Variants in SEMA3D observed in about 807,000 individuals in gnomAD.
The protein encoded by SEMA3D is semaphorin-3D.
A neutral mutation model predicts 100.1 loss-of-function variants in SEMA3D; 84 were observed. The observed-to-expected ratio is 0.84, with a 90% CI of 0.70 to 1.01. SEMA3D has a LOEUF of 1.01. Among genes scored for constraint, SEMA3D ranks in the 50% least tolerant of loss-of-function variants. The pLI, the probability that SEMA3D is intolerant of heterozygous loss-of-function variation, is 0.00. For missense variants in SEMA3D, 875 were observed against 934.1 expected (o/e 0.94, Z 0.82); for synonymous variants, 312 against 320.7 (o/e 0.97, Z 0.29).
chr7:85,007,226 A>AT (rs1426860356), intron 17 of SEMA3D, among the ~76,000 whole-genome samples: 1 of 151,760 alleles, frequency 6.6e-6, no homozygotes, highest in African/African-American at 2.4e-5. Context: ...ATATATTGAG[A>AT]TTTTTTTCTT....
At chr7:85,015,001 T>C in intron 16 of SEMA3D, 58 bp downstream of exon 16, 1 of 1,289,714 alleles carries the variant, frequency 7.8e-7, no homozygotes, top group Admixed American at 1.8e-5. Context: ...AAAGCATTAA[T>C]GTGAGATATT....
At chr7:85,147,619 TA>T (rs1790254399) in intron 2 of SEMA3D, among the ~76,000 whole-genome samples, 2 of 152,210 alleles carry the variant, frequency 1.3e-5, no homozygotes, top group African/African-American at 4.8e-5. Context: ...ATTTTTCTGA[TA>T]TTTAGATAAC....
chr7:85,041,996 T>G, intron 10 of SEMA3D, 175 bp downstream of exon 10: 1 of 595,610 alleles, frequency 1.7e-6, no homozygotes, highest in Non-Finnish European at 3.0e-6. Context: ...TTATGACGTG[T>G]GCCCAGACCT....
At chr7:85,208,058 T>G in the SEMA3D span, among the ~76,000 whole-genome samples, 1 of 152,022 alleles carries the variant, frequency 6.6e-6, no homozygotes, top group East Asian at 1.9e-4. Context: ...TTACTCACAT[T>G]CAATTTTAAA....
chr7:85,068,660 T>C (rs1052842895), intron 6 of SEMA3D, among the ~76,000 whole-genome samples: 2 of 152,174 alleles, frequency 1.3e-5, no homozygotes, highest in Non-Finnish European at 2.9e-5. Context: ...TTTTAAGAAA[T>C]AGATTTGCTA....
At chr7:85,095,873 C>T (rs1479683361) in intron 4 of SEMA3D, among the ~76,000 whole-genome samples, 1 of 151,906 alleles carries the variant, frequency 6.6e-6, no homozygotes, top group East Asian at 1.9e-4. Context: ...AATATTAGCA[C>T]ATTTCATGCA....
intron 4 of SEMA3D, among the ~76,000 whole-genome samples, chr7:85,086,329 A>C (rs890590973): frequency 3.9e-5 from 6 of 152,086 alleles, no homozygotes; most frequent in Non-Finnish European, 7.4e-5. Context: ...CTAGTCATTA[A>C]AGAGATTTTT....
chr7:85,112,354 T>C (rs1045596183), intron 3 of SEMA3D, among the ~76,000 whole-genome samples: 2 of 152,124 alleles, frequency 1.3e-5, no homozygotes, highest in African/African-American at 2.4e-5. Flanking sequence ...AAATAAAAAT[T>C]CAAAAAGGAA....
intron 1 of SEMA3D, chr7:85,167,202 A>G: frequency 1.2e-6 from 1 of 849,704 alleles, no homozygotes; most frequent in Non-Finnish European, 1.4e-6. Flanking sequence ...TGAAATGTCA[A>G]GAGTTGAAAT....
intron 3 of SEMA3D, among the ~76,000 whole-genome samples, chr7:85,102,286 T>A (rs933829977): frequency 6.6e-6 from 1 of 151,954 alleles, no homozygotes; most frequent in Admixed American, 6.6e-5. Context: ...CAGGAACACA[T>A]GTTACTCCAG....
chr7:85,089,526 T>C (rs1277410782), intron 4 of SEMA3D, among the ~76,000 whole-genome samples: 4 of 152,188 alleles, frequency 2.6e-5, no homozygotes, highest in Admixed American at 2.6e-4. Context: ...ACCTGTTTTA[T>C]TTTTCACTAT....
chr7:85,237,910 C>G, the SEMA3D span, among the ~76,000 whole-genome samples: 2 of 152,186 alleles, frequency 1.3e-5, no homozygotes, highest in African/African-American at 2.4e-5. Context: ...TTCTGTTGTT[C>G]CACATCCTCA....
chr7:85,158,150 A>T (rs908813357), intron 1 of SEMA3D, among the ~76,000 whole-genome samples: 5 of 152,204 alleles, frequency 3.3e-5, no homozygotes, highest in Non-Finnish European at 7.3e-5. Flanking sequence ...AAATCTGGGC[A>T]CCTTGAAAAA....
At chr7:85,145,760 C>A in intron 2 of SEMA3D, among the ~76,000 whole-genome samples, 1 of 152,102 alleles carries the variant, frequency 6.6e-6, no homozygotes. Context: ...CCTCAAGATT[C>A]GTGGGATATT....
chr7:85,042,218 C>A lies in SEMA3D; in HGVS notation c.929G>T (p.Cys310Phe), dbSNP rs2115992985. 1 of 1,613,456 alleles carries A rather than the reference C, an allele frequency of 6.2e-7. No homozygotes were observed. The highest frequency in any genetic ancestry group is 2.2e-5 in the East Asian group (1 of 44,850). ...WTTFLKARLI[C>F]SIPGSDGADT... is the part of the protein sequence containing the mutation. The stretch of plus-strand genomic sequence containing the variant: ...TGCCCCATCACTTCCAGGAATTGAG[C>A]AAATCAGTCTGGCCTTAAGAAAAGT... Residue 310 changes from cysteine to phenylalanine, a missense_variant, in exon 10 of 19, where the codon TGC becomes TTC. Coordinates refer to ENST00000284136, the MANE Select transcript of SEMA3D (RefSeq NM_001384900.1).
At chr7:85,024,917 G>A (rs1790351737) in intron 12 of SEMA3D, among the ~76,000 whole-genome samples, 1 of 152,002 alleles carries the variant, frequency 6.6e-6, no homozygotes, top group Non-Finnish European at 1.5e-5. Context: ...ATGTATGTAG[G>A]TAAGAGTAAA....
intron 1 of SEMA3D, among the ~76,000 whole-genome samples, chr7:85,169,899 T>C (rs1411779208): frequency 1.3e-5 from 2 of 151,686 alleles, no homozygotes; most frequent in Non-Finnish European, 3.0e-5. Context: ...AGTGTCCATA[T>C]AAAATAGTTT....
intron 3 of SEMA3D, among the ~76,000 whole-genome samples, chr7:85,106,240 T>A (rs1179337610): frequency 6.6e-6 from 1 of 152,074 alleles, no homozygotes; most frequent in Non-Finnish European, 1.5e-5. Context: ...TCCTTCAAGT[T>A]ATTCAGAATT....
chr7:85,165,087 C>A (rs1790863705), intron 1 of SEMA3D, among the ~76,000 whole-genome samples: 1 of 146,748 alleles, frequency 6.8e-6, no homozygotes, highest in African/African-American at 2.5e-5. Flanking sequence ...TGAGTGAGAA[C>A]ATGCAGTGTT....
Sources: gnomAD v4.1 joint callset for allele counts (sites outside exome capture counted in the v4.1 genomes callset) on GRCh38, gnomAD v4.1.1 for gene constraint, MANE v1.5 for transcripts, NCBI Gene and HGNC (gene_info 2026-07-23, HGNC 2026-07-21) for gene names.